The following CAMK2D variants were observed in gnomAD, a reference collection of about 807,000 sequenced individuals.
CAMK2D encodes calcium/calmodulin-dependent protein kinase type II subunit delta.
In CAMK2D, 37 loss-of-function variants were observed where a neutral mutation model predicts 84.0. The observed-to-expected ratio is 0.44, with a 90% confidence interval of 0.34 to 0.58. CAMK2D has a LOEUF of 0.58. Ranked by LOEUF, CAMK2D falls within the 20% of genes least tolerant of loss-of-function variation. CAMK2D has a pLI of 0.02. For missense variants in CAMK2D, 448 were observed against 652.5 expected (o/e 0.69, Z 3.41); for synonymous variants, 202 against 212.5 (o/e 0.95, Z 0.43).
At chr4:113,580,452 C>T (rs2098802612) in intron 4 of CAMK2D, among the ~76,000 whole-genome samples, 1 of 152,134 alleles carries the variant, frequency 6.6e-6, no homozygotes, top group South Asian at 2.1e-4. Flanking sequence ...GTAAGATGTA[C>T]CACATTTTCT....
Position 113,759,409 on chromosome 4 carries a change from G to A in CAMK2D, c.71C>T (p.Ala24Val). The change falls in exon 2 of 21, where the codon GCA becomes GTA. Residue 24 changes from alanine to valine, a missense_variant. This residue lies in a region of CAMK2D where 44 missense variants were observed against 45.6 expected (regional missense o/e 0.96). Coordinates refer to ENST00000511664, the MANE Select transcript of CAMK2D (RefSeq NM_001321571.2). ...CATACATCTTCTCACCACTGAGAAT[G>A]CCCCCCTGGAAACCAATAATTAGCA... ...YQLFEELGKG[A>V]FSVVRRCMKI... 1.3e-6 allele frequency: 2 copies of A among 1,588,836 alleles called. No individual in the cohort carries two copies. The highest frequency in any genetic ancestry group is 8.6e-7 in the Non-Finnish European group (1 of 1,163,662).
intron 3 of CAMK2D, among the ~76,000 whole-genome samples, chr4:113,656,713 G>A (rs925752732): frequency 8.6e-5 from 13 of 152,032 alleles, no homozygotes; most frequent in Admixed American, 3.3e-4. Flanking sequence ...AGGGCTCTCT[G>A]TGCCTGAAAC....
intron 2 of CAMK2D, among the ~76,000 whole-genome samples, chr4:113,678,902 A>G (rs60436283): frequency 0.24 from 36,736 of 152,034 alleles, 5,479 homozygotes; most frequent in African/African-American, 0.43. Flanking sequence ...TGATCAGCAC[A>G]CAGATCAAGA....
chr4:113,486,852 C>T (rs1028429377), intron 16 of CAMK2D, among the ~76,000 whole-genome samples: 1 of 152,122 alleles, frequency 6.6e-6, no homozygotes, highest in Admixed American at 6.5e-5. Context: ...GAATACAGTC[C>T]CTATAATCCA....
At chr4:113,580,870 C>G (rs1242140167) in intron 4 of CAMK2D, among the ~76,000 whole-genome samples, 3 of 130,926 alleles carry the variant, frequency 2.3e-5, no homozygotes, top group African/African-American at 8.9e-5. Context: ...GAAGAAGTGA[C>G]CTTTCTGTTT....
chr4:113,669,567 C>A (rs1456013835), intron 2 of CAMK2D, among the ~76,000 whole-genome samples: 1 of 152,184 alleles, frequency 6.6e-6, no homozygotes, highest in Non-Finnish European at 1.5e-5. Flanking sequence ...TCTGATTATA[C>A]CCTTCGTAGC....
chr4:113,503,239 T>C (rs751220909), intron 14 of CAMK2D: 1 of 678,160 alleles, frequency 1.5e-6, no homozygotes, highest in Non-Finnish European at 2.7e-6. Flanking sequence ...AAGGCTTTGA[T>C]ATTTAGAGAT....
chr4:113,599,599 C>T lies in CAMK2D; in HGVS notation c.275+9553G>A, dbSNP rs562059918. ...ACATGAGGGGTAGAGTATCAACCCC[C>T]CAACAGTTGAAAACCCTTGTATAAC... is the stretch of plus-strand genomic sequence containing the variant. On this transcript the variant is annotated intron_variant, in intron 4 of 20. Transcript: ENST00000511664. Among the ~76,000 whole-genome samples, 132 of 152,190 alleles carry T rather than the reference C, an allele frequency of 8.7e-4. 1 individual carries two copies. Among genetic ancestry groups the T allele is most frequent in the African/African-American group, 3.0e-3 (126 of 41,534 alleles).
chr4:113,581,016 C>T (rs7666890), intron 4 of CAMK2D, among the ~76,000 whole-genome samples: 96,891 of 151,760 alleles, frequency 0.64, 32,023 homozygotes, highest in Middle Eastern at 0.76. Context: ...CACTATGGTA[C>T]ACGTCCACCT....
intron 4 of CAMK2D, among the ~76,000 whole-genome samples, chr4:113,602,793 T>C (rs897506812): frequency 6.6e-6 from 1 of 152,222 alleles, no homozygotes; most frequent in African/African-American, 2.4e-5. Flanking sequence ...AAACGTCTGT[T>C]TGTTTGTTTT....
At chr4:113,537,232 G>T in intron 7 of CAMK2D, 109 bp downstream of exon 7, 2 of 590,266 alleles carry the variant, frequency 3.4e-6, no homozygotes, top group African/African-American at 1.9e-5. Flanking sequence ...TAGTCAAATT[G>T]TTATTAGGAT....
chr4:113,754,099 GAT>G (rs2099623135), intron 2 of CAMK2D: 2 of 872,154 alleles, frequency 2.3e-6, no homozygotes, highest in African/African-American at 1.8e-5. Flanking sequence ...GAAATATAAA[GAT>G]ATGTTTTACA....
chr4:113,552,030 C>T lies in CAMK2D; in HGVS notation c.341+1G>A. Reference sequence around the variant, plus strand: ...TATCTTGCCCAGGGCAAGTCACTTACCTGGCATCAGCTTCACTGTAGTATT... The same window carrying T: ...TATCTTGCCCAGGGCAAGTCACTTATCTGGCATCAGCTTCACTGTAGTATT... On this transcript the variant is annotated splice_donor_variant, in intron 5 of 20. Transcript: ENST00000511664. LOFTEE classifies it high-confidence loss of function. The T allele has an allele frequency of 6.5e-7, 1 of 1,529,254 alleles. No homozygotes were observed. The highest frequency in any genetic ancestry group is 1.2e-5 in the South Asian group (1 of 85,846). The allele number at this position is 1,529,254 out of a possible 1,614,324, so 94.7% of individuals were successfully genotyped here. A position where few individuals can be genotyped will look rare whatever the true frequency, so the allele number is the denominator to read the frequency against.
intron 2 of CAMK2D, among the ~76,000 whole-genome samples, chr4:113,742,645 A>C (rs1022738734): frequency 2.0e-5 from 3 of 152,058 alleles, no homozygotes; most frequent in Non-Finnish European, 2.9e-5. Flanking sequence ...AAAGAGACAG[A>C]CTTTTTAAAA....
intron 4 of CAMK2D, among the ~76,000 whole-genome samples, chr4:113,608,047 GA>G (rs1311964436): frequency 6.6e-6 from 1 of 152,186 alleles, no homozygotes. Flanking sequence ...AGGCTCTTGA[GA>G]AAGACTTCTC....
chr4:113,679,599 G>T, intron 2 of CAMK2D: 1 of 185,232 alleles, frequency 5.4e-6, no homozygotes, highest in Non-Finnish European at 1.0e-5. Flanking sequence ...TAAAAACGCT[G>T]AATTGAGTTT....
chr4:113,541,355 T>C (rs976213440), intron 6 of CAMK2D, among the ~76,000 whole-genome samples: 2 of 152,222 alleles, frequency 1.3e-5, no homozygotes, highest in African/African-American at 4.8e-5. Flanking sequence ...TCAGCAGATG[T>C]TTTTAGAAGA....
At chr4:113,718,782 G>GGTCCAA (rs1333923621) in intron 2 of CAMK2D, among the ~76,000 whole-genome samples, 1 of 152,150 alleles carries the variant, frequency 6.6e-6, no homozygotes, top group Non-Finnish European at 1.5e-5. Context: ...GAGTTGGTTA[G>GGTCCAA]GTCCAATCTT....
At chr4:113,734,293 A>G (rs1166176441) in intron 2 of CAMK2D, among the ~76,000 whole-genome samples, 2 of 152,192 alleles carry the variant, frequency 1.3e-5, no homozygotes, top group Non-Finnish European at 2.9e-5. Context: ...TTTCTAAAAT[A>G]AAACATTAAA....
Sources: gnomAD v4.1 joint callset for allele counts (sites outside exome capture counted in the v4.1 genomes callset) on GRCh38, gnomAD v4.1.1 for gene constraint, gnomAD v4.1.1 regional missense constraint, MANE v1.5 for transcripts, NCBI Gene and HGNC (gene_info 2026-07-23, HGNC 2026-07-21) for gene names.